The following DUSP18 variants were observed in gnomAD, a reference collection of about 807,000 sequenced individuals.
The protein encoded by DUSP18 is dual specificity protein phosphatase 18.
A neutral mutation model predicts 6.3 loss-of-function variants in DUSP18; 4 were observed. The observed-to-expected ratio is 0.63, with a 90% CI of 0.31 to 1.45. DUSP18 has a LOEUF of 1.45. DUSP18 is among the 40% of genes most tolerant of loss of function. The probability of loss-of-function intolerance (pLI) is 0.07; values close to 1 mark genes in which losing one functional copy is unlikely to be tolerated. For missense variants in DUSP18, 235 were observed against 247.7 expected, an observed-to-expected ratio of 0.95 and a Z score of 0.34; for synonymous variants, 96 against 95.1, an observed-to-expected ratio of 1.01 and a Z score of -0.05.
chr22:30,659,292 A>G (rs750494934), downstream of DUSP18, among the ~76,000 whole-genome samples: 4 of 152,210 alleles, frequency 2.6e-5, no homozygotes, highest in Admixed American at 6.5e-5. Flanking sequence ...CCTAGGATAC[A>G]ATCAAAATTA....
chr22:30,655,861 A>C (rs1412705030), intron 2 of DUSP18, among the ~76,000 whole-genome samples: 1 of 152,194 alleles, frequency 6.6e-6, no homozygotes, highest in African/African-American at 2.4e-5. Context: ...CACACCTCTT[A>C]ACATTCCTCC....
chr22:30,666,293 G>T (rs2088658922), intron 1 of DUSP18, among the ~76,000 whole-genome samples: 1 of 152,162 alleles, frequency 6.6e-6, no homozygotes, highest in Non-Finnish European at 1.5e-5. Context: ...GGTGAGGGTA[G>T]TGATGCGAGG....
chr22:30,664,100 G>C lies in DUSP18; in HGVS notation c.-77-20C>G. Reference sequence around the variant, plus strand: ...GGAAAACTGCAGAGAGGGAGAGGATGTTTAGAGGGCAGGTGCCCAGAGGGC... The same window carrying C: ...GGAAAACTGCAGAGAGGGAGAGGATCTTTAGAGGGCAGGTGCCCAGAGGGC... On this transcript the variant is annotated intron_variant, in intron 1 of 1. Transcript: ENST00000334679. 11 of 1,169,614 alleles carry C rather than the reference G, an allele frequency of 9.4e-6. No homozygotes were observed. The highest frequency in any genetic ancestry group is 1.5e-5 in the South Asian group (1 of 65,608). 72.5% of individuals were successfully genotyped at this position (1,169,614 alleles called of 1,614,324 possible). A position where few individuals can be genotyped will look rare whatever the true frequency, so the allele number is the denominator to read the frequency against.
chr22:30,653,250 G>A (rs1404904388), intron 2 of DUSP18, among the ~76,000 whole-genome samples: 2 of 152,080 alleles, frequency 1.3e-5, no homozygotes, highest in Admixed American at 1.3e-4. Context: ...TACCCCCACT[G>A]CCCTGAACCC....
chr22:30,664,091 G>T lies in DUSP18; in HGVS notation c.-77-11C>A. The T allele has an allele frequency of 7.6e-7, 1 of 1,323,766 alleles. No individual in the cohort carries two copies. The highest frequency in any genetic ancestry group is 1.0e-6 in the Non-Finnish European group (1 of 963,986). The allele number at this position is 1,323,766 out of a possible 1,614,324, so 82.0% of individuals were successfully genotyped here. On this transcript the variant is annotated splice_polypyrimidine_tract_variant and intron_variant, in intron 1 of 1. Transcript: ENST00000334679. Reference sequence around the variant, plus strand: ...TGTGTCCATGGAAAACTGCAGAGAGGGAGAGGATGTTTAGAGGGCAGGTGC... The same window carrying T: ...TGTGTCCATGGAAAACTGCAGAGAGTGAGAGGATGTTTAGAGGGCAGGTGC...
chr22:30,662,042 T>TTG lies in DUSP18; in HGVS notation c.*1394_*1395insCA, dbSNP rs1156930178. 1 of 151,478 alleles carries TTG rather than the reference T, an allele frequency of 6.6e-6. No homozygotes were observed. The highest frequency in any genetic ancestry group is 2.1e-4 in the South Asian group (1 of 4,784). The allele number at this position is 151,478 out of a possible 1,614,324, so 9.4% of individuals were successfully genotyped here. On this transcript the variant is annotated 3_prime_UTR_variant, in exon 2 of 2. Transcript: ENST00000334679. Reference sequence around the variant, plus strand: ...AAGGACTTAAACCATTTTTTTTTTTTTTTTTTTTTACACACAGGGTAACTT... The same window carrying TTG: ...AAGGACTTAAACCATTTTTTTTTTTTTGTTTTTTTTTACACACAGGGTAACTT...
chr22:30,665,655 C>A, intron 1 of DUSP18: 1 of 406,494 alleles, frequency 2.5e-6, no homozygotes, highest in South Asian at 1.8e-5. Context: ...TCTCTCCTTC[C>A]TAACACTTAC....
intron 1 of DUSP18, among the ~76,000 whole-genome samples, chr22:30,664,499 T>C (rs1251534215): frequency 6.6e-6 from 1 of 152,192 alleles, no homozygotes; most frequent in Non-Finnish European, 1.5e-5. Context: ...AATTCTCTCC[T>C]TCCTTCCAGC....
chr22:30,655,643 G>T (rs1178772822), intron 2 of DUSP18, among the ~76,000 whole-genome samples: 1 of 152,052 alleles, frequency 6.6e-6, no homozygotes, highest in African/African-American at 2.4e-5. Flanking sequence ...AAGGAATCTG[G>T]TTTCAGCATA....
At chr22:30,653,621 C>T (rs914014949) in intron 2 of DUSP18, among the ~76,000 whole-genome samples, 5 of 151,988 alleles carry the variant, frequency 3.3e-5, no homozygotes, top group Non-Finnish European at 5.9e-5. Flanking sequence ...GACCCGCCCC[C>T]CCTCGGCCTC....
At chr22:30,655,572 C>T (rs1440400765) in intron 2 of DUSP18, among the ~76,000 whole-genome samples, 1 of 151,782 alleles carries the variant, frequency 6.6e-6, no homozygotes, top group Non-Finnish European at 1.5e-5. Flanking sequence ...TAGCATGTCT[C>T]CCAGAAATGG....
intron 2 of DUSP18, among the ~76,000 whole-genome samples, chr22:30,655,711 G>A (rs1348435176): frequency 3.3e-5 from 5 of 152,088 alleles, no homozygotes; most frequent in Non-Finnish European, 5.9e-5. Flanking sequence ...TCTGCTTTCT[G>A]TAAATAGAGG....
At chr22:30,656,388 A>G (rs5997727) in intron 2 of DUSP18, among the ~76,000 whole-genome samples, 96,577 of 152,024 alleles carry the variant, frequency 0.64, 31,731 homozygotes, top group East Asian at 0.81. Context: ...CTCAACAGAG[A>G]TCATTCCGAG....
At chr22:30,653,644 G>A (rs1379183251) in intron 2 of DUSP18, among the ~76,000 whole-genome samples, 2 of 151,990 alleles carry the variant, frequency 1.3e-5, no homozygotes. Context: ...AAAGTGCTTG[G>A]GATACAGCCC....
chr22:30,653,447 C>T (rs975154868), intron 2 of DUSP18, among the ~76,000 whole-genome samples: 2 of 151,784 alleles, frequency 1.3e-5, no homozygotes, highest in Admixed American at 1.3e-4. Flanking sequence ...TCTCGGCTCA[C>T]TGCAACCTCC....
At chr22:30,666,521 C>T (rs1270652352) in intron 1 of DUSP18, among the ~76,000 whole-genome samples, 1 of 144,348 alleles carries the variant, frequency 6.9e-6, no homozygotes, top group Non-Finnish European at 1.5e-5. Flanking sequence ...ACTCAGGAGG[C>T]TGAGACGGGA....
At chr22:30,655,125 G>A (rs999424429) in intron 2 of DUSP18, among the ~76,000 whole-genome samples, 3 of 152,098 alleles carry the variant, frequency 2.0e-5, no homozygotes, top group Non-Finnish European at 2.9e-5. Flanking sequence ...CAGGGGCTGT[G>A]CAGGGTCTGG....
In DUSP18 at chr22:30,662,026, A is replaced by G. The variant is rs1193729059; in HGVS notation, c.*1411T>C. 7.8e-6 allele frequency: 1 copy of G among 127,990 alleles called. No homozygotes were observed. The highest frequency in any genetic ancestry group is 1.6e-5 in the Non-Finnish European group (1 of 61,912). 7.9% of individuals were successfully genotyped at this position (127,990 alleles called of 1,614,324 possible). A position where few individuals can be genotyped will look rare whatever the true frequency, so the allele number is the denominator to read the frequency against. ...GTGAGGTAGGGTCTGAAAGGACTTA[A>G]ACCATTTTTTTTTTTTTTTTTTTTT... On this transcript the variant is annotated 3_prime_UTR_variant, in exon 2 of 2. Coordinates refer to ENST00000334679, the MANE Select transcript of DUSP18 (RefSeq NM_152511.5).
At chr22:30,665,751 T>C (rs113570451) in intron 1 of DUSP18, among the ~76,000 whole-genome samples, 1,835 of 152,304 alleles carry the variant, frequency 0.012, 34 homozygotes, top group African/African-American at 0.04. Flanking sequence ...AGGGATATGA[T>C]GGTGTCTGTC....
Sources: allele counts gnomAD v4.1 joint callset (sites outside exome capture counted in the v4.1 genomes callset), GRCh38; gene constraint gnomAD v4.1.1; transcripts MANE v1.5; gene names NCBI Gene and HGNC (gene_info 2026-07-23, HGNC 2026-07-21).